The following FAM171A1 variants were observed in gnomAD, a reference collection of about 807,000 sequenced individuals.
FAM171A1 encodes the protein family with sequence similarity 171 member A1, also known as protein FAM171A1.
Under a neutral mutation model 74.9 loss-of-function variants are expected in FAM171A1, and 23 were observed. The observed-to-expected ratio is 0.31, with a 90% CI of 0.22 to 0.44. The LOEUF (loss-of-function observed/expected upper bound fraction) is 0.44, where lower values mean the gene tolerates loss of function less well. Among genes scored for constraint, FAM171A1 ranks in the 20% least tolerant of loss-of-function variants. The probability of loss-of-function intolerance (pLI) is 1.00; values close to 1 mark genes in which losing one functional copy is unlikely to be tolerated. For synonymous variants in FAM171A1, 527 were observed against 505.7 expected (o/e 1.04, Z -0.57); for missense variants, 1,162 against 1,159.2 (o/e 1.00, Z -0.03).
chr10:15,247,357 G>C (rs910168109), intron 5 of FAM171A1, among the ~76,000 whole-genome samples: 2 of 152,094 alleles, frequency 1.3e-5, no homozygotes, highest in African/African-American at 2.4e-5. Flanking sequence ...CTGTGACTTT[G>C]AATTCCTGGG....
Position 15,239,638 on chromosome 10 carries a change from C to T in FAM171A1, c.754+9001G>A, listed in dbSNP as rs540458935. On this transcript the variant is annotated intron_variant, in intron 5 of 7. Coordinates refer to ENST00000378116, the MANE Select transcript of FAM171A1 (RefSeq NM_001010924.2). ...TTTAACCCATTCCCCTCACATACAT[C>T]TTGACACCCGGGACACAGAGAGGGC... Among the ~76,000 whole-genome samples the T allele has an allele frequency of 3.9e-5, 6 of 152,280 alleles. No individual in the cohort carries two copies. In the East Asian group the frequency reaches 1.2e-3, roughly 29 times the overall value.
At chr10:15,229,034 G>A (rs551065775) in intron 5 of FAM171A1, among the ~76,000 whole-genome samples, 1 of 152,296 alleles carries the variant, frequency 6.6e-6, no homozygotes, top group African/African-American at 2.4e-5. Context: ...ATTCTACTAG[G>A]TCTATAAGCT....
At chr10:15,288,801 G>T (rs1184032695) in intron 1 of FAM171A1, among the ~76,000 whole-genome samples, 5 of 136,812 alleles carry the variant, frequency 3.7e-5, no homozygotes, top group Non-Finnish European at 6.2e-5. Flanking sequence ...ATGTCAGTAT[G>T]ATTCGGTAAT....
chr10:15,324,478 A>G (rs1187655251), intron 1 of FAM171A1, among the ~76,000 whole-genome samples: 1 of 152,162 alleles, frequency 6.6e-6, no homozygotes, highest in Admixed American at 6.5e-5. Context: ...AATTTTTATC[A>G]TCTTCTCCAG....
At chr10:15,303,747 G>A (rs752946778) in intron 1 of FAM171A1, among the ~76,000 whole-genome samples, 14 of 152,196 alleles carry the variant, frequency 9.2e-5, no homozygotes, top group African/African-American at 3.4e-4. Flanking sequence ...GGTCACAGAC[G>A]TATATACTGT....
intron 1 of FAM171A1, among the ~76,000 whole-genome samples, chr10:15,297,663 A>G (rs1250263066): frequency 1.3e-5 from 2 of 152,232 alleles, no homozygotes; most frequent in African/African-American, 4.8e-5. Context: ...ACATATAGAC[A>G]TACTCTGATT....
At chr10:15,315,560 C>T (rs1441917899) in intron 1 of FAM171A1, among the ~76,000 whole-genome samples, 1 of 152,188 alleles carries the variant, frequency 6.6e-6, no homozygotes, top group African/African-American at 2.4e-5. Flanking sequence ...ACCACATTAT[C>T]CCCTTATTCT....
At chr10:15,269,101 A>G (rs568030542) in intron 3 of FAM171A1, among the ~76,000 whole-genome samples, 264 of 151,976 alleles carry the variant, frequency 1.7e-3, no homozygotes, top group African/African-American at 6.0e-3. Context: ...CAGGCCCATG[A>G]TTTTTTATTT....
chr10:15,279,106 C>A (rs539994388), intron 2 of FAM171A1, among the ~76,000 whole-genome samples: 1 of 152,124 alleles, frequency 6.6e-6, no homozygotes, highest in Non-Finnish European at 1.5e-5. Context: ...CTGAGCTGAC[C>A]GGTTTGGGGG....
At chr10:15,300,219 T>A (rs1488275628) in intron 1 of FAM171A1, among the ~76,000 whole-genome samples, 2 of 152,186 alleles carry the variant, frequency 1.3e-5, no homozygotes, top group African/African-American at 2.4e-5. Flanking sequence ...CTGTTTCAGA[T>A]GAAGCTGAAA....
At chr10:15,331,522 G>A (rs1336996506) in intron 1 of FAM171A1, among the ~76,000 whole-genome samples, 1 of 152,188 alleles carries the variant, frequency 6.6e-6, no homozygotes, top group East Asian at 1.9e-4. Flanking sequence ...TACAAGGGCA[G>A]AAGATTGAGA....
intron 1 of FAM171A1, among the ~76,000 whole-genome samples, chr10:15,290,565 G>A (rs1446444905): frequency 2.6e-5 from 4 of 152,126 alleles, no homozygotes; most frequent in African/African-American, 9.7e-5. Context: ...GTACAACAGA[G>A]ACCAGACCCC....
In FAM171A1 at chr10:15,221,029, C is replaced by A. The variant is rs1176574202; in HGVS notation, c.786G>T (p.Val262=). Residue 262 remains valine (V), a synonymous_variant, in exon 6 of 8, where the codon GTG becomes GTT. Coordinates refer to ENST00000378116, the MANE Select transcript of FAM171A1 (RefSeq NM_001010924.2). Reference sequence around the variant, plus strand: ...ACGTCAGCTGGCTGCCTTCCTGGTGCACAAGACCCAGACCGCTCTTCAGCC... The same window carrying A: ...ACGTCAGCTGGCTGCCTTCCTGGTGAACAAGACCCAGACCGCTCTTCAGCC... ...GTWLKSGLGL[V]HQEGSQLTWT... is the part of the protein sequence containing the mutation. 6.2e-7 allele frequency: 1 copy of A among 1,614,178 alleles called. No individual in the cohort carries two copies. Among genetic ancestry groups the A allele is most frequent in the South Asian group, 1.1e-5 (1 of 91,078 alleles).
At chr10:15,303,105 A>C (rs7084189) in intron 1 of FAM171A1, among the ~76,000 whole-genome samples, 64,646 of 151,798 alleles carry the variant, frequency 0.43, 14,624 homozygotes, top group East Asian at 0.78. Context: ...AAGAGAATCG[A>C]TTGAATCCAG....
intron 1 of FAM171A1, among the ~76,000 whole-genome samples, chr10:15,360,782 A>G (rs553669758): frequency 6.6e-6 from 1 of 152,356 alleles, no homozygotes; most frequent in Non-Finnish European, 1.5e-5. Context: ...TGATACAGTA[A>G]GATTATGCCC....
chr10:15,297,925 A>G (rs994074946), intron 1 of FAM171A1, among the ~76,000 whole-genome samples: 4 of 152,218 alleles, frequency 2.6e-5, no homozygotes, highest in African/African-American at 7.2e-5. Context: ...ATCAAGGGTT[A>G]TTTAGGGAAA....
rs113267610 is a variant in FAM171A1, at chr10:15,299,654, T to A, written c.98-15549A>T. Among the ~76,000 whole-genome samples the A allele has an allele frequency of 1.4e-4, 21 of 151,966 alleles. No homozygotes were observed. In the East Asian group the frequency reaches 4.1e-3, roughly 29 times the overall value. The stretch of plus-strand genomic sequence containing the variant: ...GAAAGTGCTACGTGGGAGCCAGTAG[T>A]GAAGAAACTGACTCATTAATTATTT... On this transcript the variant is annotated intron_variant, in intron 1 of 7. Transcript: ENST00000378116.
chr10:15,299,487 TG>T (rs1429522970), intron 1 of FAM171A1, among the ~76,000 whole-genome samples: 56 of 128,684 alleles, frequency 4.4e-4, no homozygotes, highest in Non-Finnish European at 8.1e-4. Flanking sequence ...TTTTTGTTTT[TG>T]TTTTTTTTGT....
chr10:15,257,761 C>T (rs1485517765), intron 3 of FAM171A1, among the ~76,000 whole-genome samples: 1 of 152,176 alleles, frequency 6.6e-6, no homozygotes, highest in Non-Finnish European at 1.5e-5. Context: ...ATGAAAATGA[C>T]TGAAGCAGCA....
Sources: gnomAD v4.1 joint callset for allele counts (sites outside exome capture counted in the v4.1 genomes callset) on GRCh38, gnomAD v4.1.1 for gene constraint, MANE v1.5 for transcripts, NCBI Gene and HGNC (gene_info 2026-07-23, HGNC 2026-07-21) for gene names.